LRRK1: variants seen among roughly 807,000 people sequenced by gnomAD.
LRRK1 encodes the protein leucine rich repeat kinase 1.
In LRRK1, 113 loss-of-function variants were observed where a neutral mutation model predicts 209.1. The observed-to-expected ratio is 0.54, with a 90% confidence interval of 0.46 to 0.63. LRRK1 has a LOEUF of 0.63. LRRK1 is among the 30% of genes least tolerant of loss of function. LRRK1 has a pLI of 0.00. For synonymous variants in LRRK1, 1,144 were observed against 1,099.7 expected (o/e 1.04, Z -0.80); for missense variants, 2,284 against 2,632.2 (o/e 0.87, Z 2.89).
At chr15:100,928,302 A>G (rs936318866) in intron 2 of LRRK1, among the ~76,000 whole-genome samples, 5 of 152,120 alleles carry the variant, frequency 3.3e-5, no homozygotes, top group African/African-American at 1.2e-4. Flanking sequence ...TTGACTTACT[A>G]TGACTGCAGC....
intron 32 of LRRK1, 125 bp downstream of exon 32, chr15:101,066,330 A>T (rs2036529574): frequency 1.5e-6 from 2 of 1,336,312 alleles, no homozygotes; most frequent in Admixed American, 2.3e-5. Context: ...TGTTCTTCCA[A>T]GAGGGTTGGT....
chr15:100,924,600 C>G lies in LRRK1; in HGVS notation c.-33C>G, dbSNP rs374575045. ...GGCAGTGGCAGTGACAACAGCGGGACCTGCCTTTGAAGATCGGCTGCTGCA... is the reference window on the plus strand; with the variant it reads ...GGCAGTGGCAGTGACAACAGCGGGAGCTGCCTTTGAAGATCGGCTGCTGCA... On this transcript the variant is annotated 5_prime_UTR_variant, in exon 2 of 34. Coordinates refer to ENST00000388948, the MANE Select transcript of LRRK1 (RefSeq NM_024652.6). 1.1e-5 allele frequency: 18 copies of G among 1,601,286 alleles called. No homozygotes were observed. The South Asian group carries it at 1.8e-4, about 16-fold the overall frequency.
At chr15:100,981,197 G>C (rs968752211) in intron 3 of LRRK1, among the ~76,000 whole-genome samples, 3 of 152,280 alleles carry the variant, frequency 2.0e-5, no homozygotes, top group Non-Finnish European at 2.9e-5. Context: ...CTTTTCCACT[G>C]TCTGGGTCCC....
intron 2 of LRRK1, among the ~76,000 whole-genome samples, chr15:100,957,224 T>C (rs2042783476): frequency 6.6e-6 from 1 of 152,238 alleles, no homozygotes; most frequent in Non-Finnish European, 1.5e-5. Flanking sequence ...ATGACATTTC[T>C]TGGGGAATGT....
rs749306819 is a variant in LRRK1 at position 100,946,625 on chromosome 15, G to A, written c.97+21896G>A. Among the ~76,000 whole-genome samples the A allele has an allele frequency of 1.2e-4, 18 of 152,240 alleles. 1 individual carries two copies. The East Asian group carries it at 2.9e-3, about 24-fold the overall frequency. On this transcript the variant is annotated intron_variant, in intron 2 of 33. Transcript: ENST00000388948. ...GCTATACAGGCAGTCTCCTCTTCAC[G>A]GGCATTTGGGCGATTCCTAATATGT...
intron 2 of LRRK1, among the ~76,000 whole-genome samples, chr15:100,972,381 T>A (rs1359410249): frequency 4.0e-5 from 6 of 150,330 alleles, no homozygotes; most frequent in Non-Finnish European, 7.4e-5. Flanking sequence ...TGTGTGTGTG[T>A]GTGTGTGTGT....
intron 20 of LRRK1, among the ~76,000 whole-genome samples, chr15:101,036,786 G>C (rs4965770): frequency 3.3e-5 from 5 of 152,250 alleles, no homozygotes; most frequent in African/African-American, 4.8e-5. Context: ...CTCCTGAAGA[G>C]GCATCTGTGG....
At chr15:101,051,637 G>A in intron 23 of LRRK1, 74 bp from the exon 24 acceptor site, 2 of 1,523,800 alleles carry the variant, frequency 1.3e-6, no homozygotes, top group Non-Finnish European at 1.8e-6. Flanking sequence ...AGGGCCTGGG[G>A]TGCAGAGTGC....
chr15:101,011,524 A>C (rs931125595), intron 9 of LRRK1, among the ~76,000 whole-genome samples: 1 of 151,758 alleles, frequency 6.6e-6, no homozygotes, highest in Non-Finnish European at 1.5e-5. Flanking sequence ...ACTGCTGATT[A>C]AATGCTGTTT....
chr15:101,062,596 C>A lies in LRRK1; in HGVS notation c.4820C>A (p.Thr1607Asn). The change falls in exon 31 of 34, where the codon ACC becomes AAC. Residue 1607 changes from threonine (T) to asparagine (N), a missense_variant. Physicochemically the swap from Thr to Asn is moderately conservative, Grantham distance 65 (BLOSUM62 0). Transcript: ENST00000388948. The stretch of plus-strand genomic sequence containing the variant: ...CAGGACCAGAAAATCTACATCTACA[C>A]CCTCAAGGGCATGTGCCCCTTAAAC... ...ATEDQKIYIY[T>N]LKGMCPLNTP... The A allele has an allele frequency of 6.2e-7, 1 of 1,613,880 alleles. No individual in the cohort carries two copies. Among genetic ancestry groups the A allele is most frequent in the Non-Finnish European group, 8.5e-7 (1 of 1,179,708 alleles).
rs752030913 is a variant in LRRK1 at position 101,053,398 on chromosome 15, C to T, written c.4032C>T (p.Thr1344=). Residue 1344 remains threonine (T), a synonymous_variant, in exon 26 of 34, where the codon ACC becomes ACT. Coordinates refer to ENST00000388948, the MANE Select transcript of LRRK1 (RefSeq NM_024652.6). ...TCGCGCCGCTCAGCAGCCTCAACAC[C>T]GTGCTGTCCGAGAACGCCAGAGGTA... The part of the protein sequence containing the change: ...LELAPLSSLN[T]VLSENARDSS... 3.9e-5 allele frequency: 62 copies of T among 1,597,864 alleles called. 1 individual carries two copies. In the South Asian group the frequency reaches 5.1e-4, roughly 13 times the overall value.
intron 2 of LRRK1, among the ~76,000 whole-genome samples, chr15:100,952,631 C>T (rs1050945505): frequency 1.3e-5 from 2 of 152,140 alleles, no homozygotes; most frequent in Admixed American, 1.3e-4. Context: ...GACCTGACTC[C>T]TGCCCTGGCC....
intron 2 of LRRK1, among the ~76,000 whole-genome samples, chr15:100,968,130 A>G (rs1440179220): frequency 6.6e-6 from 1 of 152,172 alleles, no homozygotes; most frequent in Non-Finnish European, 1.5e-5. Flanking sequence ...TCATTTTTGT[A>G]CAAGGTTTCT....
At position 101,027,755 on chromosome 15, in the gene LRRK1, A is replaced by ACGCC. The variant is rs1567244816; in HGVS notation, c.2647_2650dup (p.Asp884AlafsTer54). The ACGCC allele has an allele frequency of 6.2e-7, 1 of 1,602,258 alleles. No individual in the cohort carries two copies. Among genetic ancestry groups the ACGCC allele is most frequent in the Non-Finnish European group, 8.5e-7 (1 of 1,174,832 alleles). ...GCAGCTGGAGCAGCTGGTGGAGCAG[A>ACGCC]CGCCCGACAACGACATCAAGGACTA... is the stretch of plus-strand genomic sequence containing the variant. On this transcript the variant is annotated frameshift_variant, in exon 19 of 34. Coordinates refer to ENST00000388948, the MANE Select transcript of LRRK1 (RefSeq NM_024652.6). LOFTEE classifies it high-confidence loss of function. The surrounding 1 kb of genome is among the most constrained non-coding windows in gnomAD (Gnocchi z 5.1).
At position 100,941,314 on chromosome 15, in the gene LRRK1, CTG is replaced by C. The variant is rs1254765454; in HGVS notation, c.97+16597_97+16598del. ...TCTGTGTGTGTCTATGTGTGTGTGT[CTG>C]TGTGTGTGTGTCTGTGTCTCTGTGT... On this transcript the variant is annotated intron_variant, in intron 2 of 33. Transcript: ENST00000388948. Among the ~76,000 whole-genome samples the C allele has an allele frequency of 2.6e-3, 19 of 7,392 alleles. 2 individuals carry two copies. The highest frequency in any genetic ancestry group is 3.7e-3 in the Non-Finnish European group (12 of 3,224). 4.8% of individuals were successfully genotyped at this position (7,392 alleles called of 152,430 possible). A position where few individuals can be genotyped will look rare whatever the true frequency, so the allele number is the denominator to read the frequency against.
intron 26 of LRRK1, 85 bp downstream of exon 26, chr15:101,053,505 G>C: frequency 7.9e-7 from 1 of 1,268,798 alleles, no homozygotes; most frequent in Non-Finnish European, 1.1e-6. Context: ...TAGAGCCTCA[G>C]GTGGCCTTGG....
At chr15:101,019,982 T>G (rs545039869) in intron 12 of LRRK1, among the ~76,000 whole-genome samples, 2 of 152,350 alleles carry the variant, frequency 1.3e-5, no homozygotes, top group South Asian at 4.1e-4. Context: ...TAAAGTCACT[T>G]AAATACTAAA....
At chr15:100,990,753 G>T in intron 6 of LRRK1, among the ~76,000 whole-genome samples, 1 of 144,610 alleles carries the variant, frequency 6.9e-6, no homozygotes, top group African/African-American at 2.6e-5. Flanking sequence ...AGATTTTTAA[G>T]ACTTTATCAT....
At chr15:101,028,386 A>AGGGG (rs2034138316) in intron 19 of LRRK1, among the ~76,000 whole-genome samples, 1 of 152,234 alleles carries the variant, frequency 6.6e-6, no homozygotes, top group Non-Finnish European at 1.5e-5. Flanking sequence ...TTTCCTCCAT[A>AGGGG]AGGCACATCG....
Sources: gnomAD v4.1 joint callset for allele counts (sites outside exome capture counted in the v4.1 genomes callset) on GRCh38, gnomAD v4.1.1 for gene constraint, Gnocchi (gnomAD v3.1) non-coding constraint, MANE v1.5 for transcripts, NCBI Gene and HGNC (gene_info 2026-07-23, HGNC 2026-07-21) for gene names.